Variants in ULK4 observed in about 807,000 individuals in gnomAD.
ULK4 encodes the protein inactive serine/threonine-protein kinase ULK4.
Under a neutral mutation model 160.6 loss-of-function variants are expected in ULK4, and 133 were observed. The observed-to-expected ratio is 0.83, with a 90% CI of 0.72 to 0.96. The LOEUF (loss-of-function observed/expected upper bound fraction) is 0.96, where lower values mean the gene tolerates loss of function less well. ULK4 is among the 40% of genes least tolerant of loss of function. ULK4 has a pLI of 0.00. For synonymous variants in ULK4, 534 were observed against 539.8 expected (o/e 0.99, Z 0.15); for missense variants, 1,580 against 1,499.5 (o/e 1.05, Z -0.89).
chr3:41,732,510 T>C (rs1214361980), intron 22 of ULK4, among the ~76,000 whole-genome samples: 1 of 152,076 alleles, frequency 6.6e-6, no homozygotes, highest in African/African-American at 2.4e-5. Flanking sequence ...AGTTCTTATA[T>C]ACTGTTAGAG....
intron 22 of ULK4, among the ~76,000 whole-genome samples, chr3:41,719,836 T>G (rs979133676): frequency 6.6e-6 from 1 of 151,974 alleles, no homozygotes; most frequent in African/African-American, 2.4e-5. Context: ...CACATAGGAG[T>G]TCTTAAAACT....
intron 22 of ULK4, among the ~76,000 whole-genome samples, chr3:41,747,474 C>T (rs1206089361): frequency 5.5e-4 from 84 of 151,732 alleles, no homozygotes; most frequent in Non-Finnish European, 1.5e-4. Context: ...ATACAAGAGA[C>T]CACGATTTGA....
At chr3:41,506,767 A>AAAAAAAAAAAAAATATATAT in intron 32 of ULK4, among the ~76,000 whole-genome samples, 10 of 56,790 alleles carry the variant, frequency 1.8e-4, no homozygotes, top group African/African-American at 7.4e-4. Flanking sequence ...TGTGATTTAA[A>AAAAAAAAAAAAAATATATAT]ATATATATAT....
At chr3:41,945,106 G>T (rs1369830521) in intron 2 of ULK4, among the ~76,000 whole-genome samples, 1 of 152,106 alleles carries the variant, frequency 6.6e-6, no homozygotes, top group Non-Finnish European at 1.5e-5. Flanking sequence ...GCCGCCAGAG[G>T]AGCACTGGCC....
At chr3:41,656,647 T>C (rs1345389051) in intron 30 of ULK4, among the ~76,000 whole-genome samples, 1 of 152,176 alleles carries the variant, frequency 6.6e-6, no homozygotes, top group Non-Finnish European at 1.5e-5. Flanking sequence ...GGTGACTGTA[T>C]GGCCAGAAGT....
intron 35 of ULK4, among the ~76,000 whole-genome samples, chr3:41,285,652 T>A (rs934455729): frequency 2.0e-5 from 3 of 151,974 alleles, no homozygotes; most frequent in Admixed American, 6.6e-5. Context: ...ATACTGTGAG[T>A]GATGGGTGCA....
At chr3:41,472,983 T>G (rs2084031507) in intron 32 of ULK4, among the ~76,000 whole-genome samples, 1 of 152,142 alleles carries the variant, frequency 6.6e-6, no homozygotes. Flanking sequence ...CAAATCAATA[T>G]CACATAAGAA....
intron 35 of ULK4, among the ~76,000 whole-genome samples, chr3:41,302,808 C>T (rs1051385501): frequency 4.6e-5 from 7 of 152,140 alleles, no homozygotes; most frequent in Admixed American, 1.3e-4. Flanking sequence ...GAAAGCACTT[C>T]AGTGATCTAT....
At chr3:41,562,251 T>G (rs1242159172) in intron 32 of ULK4, among the ~76,000 whole-genome samples, 1 of 152,218 alleles carries the variant, frequency 6.6e-6, no homozygotes, top group African/African-American at 2.4e-5. Flanking sequence ...TCTGTTCTTC[T>G]ACATTTGCTG....
At chr3:41,434,198 T>C (rs2082981755) in intron 34 of ULK4, among the ~76,000 whole-genome samples, 1 of 152,128 alleles carries the variant, frequency 6.6e-6, no homozygotes, top group Non-Finnish European at 1.5e-5. Context: ...ATAAATGAAT[T>C]TTATGTTTAG....
chr3:41,799,851 A>G (rs1306557937), intron 20 of ULK4, among the ~76,000 whole-genome samples: 1 of 152,294 alleles, frequency 6.6e-6, no homozygotes, highest in East Asian at 1.9e-4. Context: ...TGACAGAGGG[A>G]CACTCTGTCT....
intron 34 of ULK4, among the ~76,000 whole-genome samples, chr3:41,445,260 G>A (rs2083271133): frequency 6.6e-6 from 1 of 152,102 alleles, no homozygotes; most frequent in African/African-American, 2.4e-5. Context: ...CATGCTCATG[G>A]GTAGGAAGAA....
At chr3:41,420,736 C>T (rs1006812169) in intron 34 of ULK4, among the ~76,000 whole-genome samples, 13 of 151,298 alleles carry the variant, frequency 8.6e-5, no homozygotes, top group South Asian at 6.3e-4. Flanking sequence ...CCGCCTCCCT[C>T]GGCCTCCGAA....
intron 3 of ULK4, among the ~76,000 whole-genome samples, chr3:41,936,857 C>T (rs1310968839): frequency 2.0e-5 from 3 of 152,032 alleles, no homozygotes; most frequent in African/African-American, 7.2e-5. Context: ...TTTGATAGTA[C>T]AACAAGTAGC....
At chr3:41,555,819 A>T (rs1339698366) in intron 32 of ULK4, among the ~76,000 whole-genome samples, 3 of 152,212 alleles carry the variant, frequency 2.0e-5, no homozygotes, top group African/African-American at 7.2e-5. Context: ...ACATCATGGA[A>T]TGCTATGCAG....
chr3:41,889,603 C>T lies in ULK4; in HGVS notation c.1578-5651G>A, dbSNP rs552933558. Among the ~76,000 whole-genome samples, 9 of 152,204 alleles carry T rather than the reference C, an allele frequency of 5.9e-5. No individual in the cohort carries two copies. The South Asian group carries it at 1.9e-3, about 32-fold the overall frequency. Reference sequence around the variant, plus strand: ...AATTGGTACTTACTAAGCTTAGTACCTGGGTGACCAAATAATCTGTACAAG... The same window carrying T: ...AATTGGTACTTACTAAGCTTAGTACTTGGGTGACCAAATAATCTGTACAAG... On this transcript the variant is annotated intron_variant, in intron 16 of 36. Coordinates refer to ENST00000301831, the MANE Select transcript of ULK4 (RefSeq NM_017886.4).
chr3:41,906,213 T>A (rs1437377222), intron 12 of ULK4, among the ~76,000 whole-genome samples: 2 of 5,680 alleles, frequency 3.5e-4, no homozygotes, highest in Non-Finnish European at 9.6e-4. Flanking sequence ...CGAGACTCCG[T>A]CTCAAAAAAA....
chr3:41,587,342 T>C (rs1050767062), intron 31 of ULK4, among the ~76,000 whole-genome samples: 4 of 152,174 alleles, frequency 2.6e-5, no homozygotes, highest in African/African-American at 9.7e-5. Context: ...GCTCATGTCA[T>C]GAGGTTAGGC....
At chr3:41,844,578 G>A (rs973790883) in intron 17 of ULK4, among the ~76,000 whole-genome samples, 8 of 152,232 alleles carry the variant, frequency 5.3e-5, no homozygotes, top group East Asian at 1.9e-4. Flanking sequence ...TGAGGGAGCC[G>A]GCTCCAGCCT....
Sources: gnomAD v4.1 joint callset for allele counts (sites outside exome capture counted in the v4.1 genomes callset) on GRCh38, gnomAD v4.1.1 for gene constraint, MANE v1.5 for transcripts, NCBI Gene and HGNC (gene_info 2026-07-23, HGNC 2026-07-21) for gene names.